NRXN3: variants seen among roughly 807,000 people sequenced by gnomAD.
The protein encoded by NRXN3 is neurexin 3.
NRXN3 carries 32 observed loss-of-function variants against 137.6 expected under a neutral mutation model. That is an observed-to-expected ratio of 0.23 (90% CI 0.18 to 0.31). The LOEUF is 0.31. NRXN3 is among the 10% of genes least tolerant of loss of function. The probability of loss-of-function intolerance (pLI) is 1.00; values close to 1 mark genes in which losing one functional copy is unlikely to be tolerated. For missense variants in NRXN3, 1,574 were observed against 2,062.5 expected, an observed-to-expected ratio of 0.76 and a Z score of 4.59; for synonymous variants, 798 against 784.5, an observed-to-expected ratio of 1.02 and a Z score of -0.29.
chr14:79,541,401 C>T (rs980245312), intron 16 of NRXN3, among the ~76,000 whole-genome samples: 95 of 151,890 alleles, frequency 6.3e-4, no homozygotes, highest in African/African-American at 2.2e-3. Flanking sequence ...CGAAACTCAT[C>T]TCAAAAAAAA....
intron 1 of NRXN3, among the ~76,000 whole-genome samples, chr14:78,200,965 G>A (rs1190510168): frequency 6.6e-6 from 1 of 152,142 alleles, no homozygotes; most frequent in Non-Finnish European, 1.5e-5. Flanking sequence ...TGGTTCCAGG[G>A]CTCAGCTTCT....
chr14:79,318,485 T>G lies in NRXN3; in HGVS notation c.3263-148736T>G, dbSNP rs563565843. ...GGTGAGGAATGTTATAAAAAACCATTGTTGGAATGCCACCAAAATACTTCT... is the reference window on the plus strand; with the variant it reads ...GGTGAGGAATGTTATAAAAAACCATGGTTGGAATGCCACCAAAATACTTCT... On this transcript the variant is annotated intron_variant, in intron 15 of 20. Transcript: ENST00000335750. Among the ~76,000 whole-genome samples the G allele has an allele frequency of 7.9e-4, 120 of 152,294 alleles. 1 individual carries two copies. The highest frequency in any genetic ancestry group is 1.3e-3 in the Non-Finnish European group (86 of 68,028).
chr14:79,752,740 C>T (rs2099002645), intron 19 of NRXN3, among the ~76,000 whole-genome samples: 1 of 151,968 alleles, frequency 6.6e-6, no homozygotes, highest in Non-Finnish European at 1.5e-5. Context: ...AACTAAAGAG[C>T]TTCTGCACAG....
chr14:78,182,974 C>T (rs906524764), intron 1 of NRXN3, among the ~76,000 whole-genome samples: 3 of 152,140 alleles, frequency 2.0e-5, no homozygotes, highest in African/African-American at 4.8e-5. Flanking sequence ...TCCCAGGCGG[C>T]GGACATCTCT....
intron 15 of NRXN3, among the ~76,000 whole-genome samples, chr14:79,327,142 A>G (rs1482171690): frequency 6.6e-6 from 1 of 152,048 alleles, no homozygotes; most frequent in African/African-American, 2.4e-5. Context: ...GAAAGTAGGC[A>G]TTATAAGCTG....
In NRXN3 at chr14:79,862,164, C is replaced by T. The variant is rs2099414760; in HGVS notation, c.*200C>T. ...TGCATCTCTCTCTAAAGCTCAGCCA[C>T]GGCTGCGGCAAGGTCCCAGCGGTCG... On this transcript the variant is annotated 3_prime_UTR_variant, in exon 21 of 21. Coordinates refer to ENST00000335750, the MANE Select transcript of NRXN3 (RefSeq NM_001330195.2). The T allele has an allele frequency of 1.1e-5, 6 of 554,196 alleles. No individual in the cohort carries two copies. The highest frequency in any genetic ancestry group is 4.4e-5 in the South Asian group (2 of 44,982). 34.3% of individuals were successfully genotyped at this position (554,196 alleles called of 1,614,324 possible).
chr14:79,769,719 C>T lies in NRXN3; in HGVS notation c.4015-35393C>T, dbSNP rs200847692. The stretch of plus-strand genomic sequence containing the variant: ...ACTAGGAAGAAACTGCATCAACTAA[C>T]GAGCAAAATAACCAGCTAACATCAT... On this transcript the variant is annotated intron_variant, in intron 19 of 20. Coordinates refer to ENST00000335750, the MANE Select transcript of NRXN3 (RefSeq NM_001330195.2). Among the ~76,000 whole-genome samples the T allele has an allele frequency of 2.4e-3, 370 of 151,772 alleles. 12 individuals carry two copies. In the East Asian group the frequency reaches 0.045, roughly 18 times the overall value.
intron 20 of NRXN3, among the ~76,000 whole-genome samples, chr14:79,834,044 A>G (rs1055099786): frequency 1.3e-5 from 2 of 151,302 alleles, no homozygotes; most frequent in Non-Finnish European, 2.9e-5. Context: ...CATTTGTGTT[A>G]CAGCACATAC....
At chr14:78,364,318 A>G (rs763062154) in intron 4 of NRXN3, among the ~76,000 whole-genome samples, 20 of 152,288 alleles carry the variant, frequency 1.3e-4, no homozygotes, top group Middle Eastern at 3.4e-3. Flanking sequence ...GACATCAGCC[A>G]TTTTACTGTA....
Position 78,494,421 on chromosome 14 carries a change from G to GTTTTTTTTTTT in NRXN3, c.758-150695_758-150694insTTTTTTTTTTT, listed in dbSNP as rs139596761. On this transcript the variant is annotated intron_variant, in intron 4 of 20. Coordinates refer to ENST00000335750, the MANE Select transcript of NRXN3 (RefSeq NM_001330195.2). ...GGCTTGAAAGAATCCTACCAGAGGTGTTTTGTTTTTTTTTTTGTCTGATTT... is the reference window on the plus strand; with the variant it reads ...GGCTTGAAAGAATCCTACCAGAGGTGTTTTTTTTTTTTTTTGTTTTTTTTTTTGTCTGATTT... Among the ~76,000 whole-genome samples the GTTTTTTTTTTT allele has an allele frequency of 2.6e-3, 347 of 132,078 alleles. 7 individuals are homozygous for GTTTTTTTTTTT. Among genetic ancestry groups the GTTTTTTTTTTT allele is most frequent in the Non-Finnish European group, 3.5e-3 (208 of 60,210 alleles). 86.6% of individuals were successfully genotyped at this position (132,078 alleles called of 152,430 possible).
At chr14:78,978,513 T>C (rs1426004198) in intron 14 of NRXN3, among the ~76,000 whole-genome samples, 1 of 152,014 alleles carries the variant, frequency 6.6e-6, no homozygotes, top group Non-Finnish European at 1.5e-5. Flanking sequence ...TAAATGACTC[T>C]CTTCAGAAAA....
chr14:78,249,129 C>T lies in NRXN3; in HGVS notation c.709+5327C>T, dbSNP rs77523618. Among the ~76,000 whole-genome samples, 903 of 152,296 alleles carry T rather than the reference C, an allele frequency of 5.9e-3. 11 individuals are homozygous for T. The highest frequency in any genetic ancestry group is 0.02 in the African/African-American group (833 of 41,570). On this transcript the variant is annotated intron_variant, in intron 2 of 20. Transcript: ENST00000335750. Reference sequence around the variant, plus strand: ...CTCCCCCCTCCCCTAACATCTCTGCCTCCTTTAATGAAATAAGACCCTTCT... The same window carrying T: ...CTCCCCCCTCCCCTAACATCTCTGCTTCCTTTAATGAAATAAGACCCTTCT...
At chr14:79,711,118 C>T (rs1049244185) in intron 19 of NRXN3, among the ~76,000 whole-genome samples, 3 of 152,084 alleles carry the variant, frequency 2.0e-5, no homozygotes, top group African/African-American at 4.8e-5. Context: ...AGACAGAAAC[C>T]GTAAAGCAAG....
chr14:78,929,871 A>G (rs1051586391), intron 10 of NRXN3, among the ~76,000 whole-genome samples: 1 of 152,184 alleles, frequency 6.6e-6, no homozygotes, highest in African/African-American at 2.4e-5. Context: ...CATTATTTCA[A>G]TTTTCTCATG....
At chr14:79,002,833 A>G (rs1011484718) in intron 15 of NRXN3, among the ~76,000 whole-genome samples, 2 of 152,180 alleles carry the variant, frequency 1.3e-5, no homozygotes, top group Non-Finnish European at 2.9e-5. Context: ...CATTCCCACC[A>G]ACAGTGTAAA....
intron 1 of NRXN3, among the ~76,000 whole-genome samples, chr14:78,217,840 T>C (rs1487863121): frequency 2.0e-5 from 3 of 152,116 alleles, no homozygotes; most frequent in African/African-American, 7.2e-5. Flanking sequence ...TTTGTATTTT[T>C]AGTGGAGACA....
chr14:79,740,712 TTATATATATA>T (rs869216055), intron 19 of NRXN3, among the ~76,000 whole-genome samples: 26 of 16,140 alleles, frequency 1.6e-3, no homozygotes, highest in South Asian at 5.1e-3. Context: ...ATTTAGTTTT[TTATATATATA>T]TATATATATA....
intron 15 of NRXN3, among the ~76,000 whole-genome samples, chr14:79,021,485 A>G (rs1403156800): frequency 6.6e-6 from 1 of 152,206 alleles, no homozygotes; most frequent in Non-Finnish European, 1.5e-5. Context: ...TCTTCAAAAA[A>G]TCCAATTCTA....
chr14:79,276,552 C>T (rs1831311860), intron 15 of NRXN3, among the ~76,000 whole-genome samples: 1 of 151,954 alleles, frequency 6.6e-6, no homozygotes, highest in Middle Eastern at 3.2e-3. Flanking sequence ...ATGAATAGTT[C>T]CAGCTGTGAT....
Sources: allele counts gnomAD v4.1 joint callset (sites outside exome capture counted in the v4.1 genomes callset), GRCh38; gene constraint gnomAD v4.1.1; transcripts MANE v1.5; gene names NCBI Gene and HGNC (gene_info 2026-07-23, HGNC 2026-07-21).